DNAJC5B: variants seen among roughly 807,000 people sequenced by gnomAD.
DNAJC5B encodes DnaJ heat shock protein family (Hsp40) member C5 beta.
DNAJC5B carries 23 observed loss-of-function variants against 24.7 expected under a neutral mutation model. The ratio of observed to expected loss-of-function variants is 0.93; its 90% CI spans 0.67 to 1.32. DNAJC5B has a LOEUF of 1.32. DNAJC5B is among the 40% of genes most tolerant of loss of function. DNAJC5B has a pLI of 0.00. For synonymous variants in DNAJC5B, 101 were observed against 90.1 expected, an observed-to-expected ratio of 1.12 and a Z score of -0.68; for missense variants, 238 against 240.8, an observed-to-expected ratio of 0.99 and a Z score of 0.08.
Position 66,043,586 on chromosome 8 carries a change from C to T in DNAJC5B, c.-43C>T, listed in dbSNP as rs1198286554. 1 of 152,234 alleles carries T rather than the reference C, an allele frequency of 6.6e-6. No individual in the cohort carries two copies. The highest frequency in any genetic ancestry group is 1.5e-5 in the Non-Finnish European group (1 of 68,070). The allele number at this position is 152,234 out of a possible 1,614,324, so 9.4% of individuals were successfully genotyped here. On this transcript the variant is annotated 5_prime_UTR_variant, in exon 2 of 6. Transcript: ENST00000276570. ...GGGGGGGAAGGATGGAAAGGAGCAG[C>T]TGTTTGCTTTGAAACGGTGGAACAG...
intron 1 of DNAJC5B, among the ~76,000 whole-genome samples, chr8:66,031,517 G>A (rs1253319607): frequency 2.6e-5 from 4 of 152,188 alleles, no homozygotes; most frequent in Non-Finnish European, 1.5e-5. Context: ...CAGTAGGAGA[G>A]ATGGATATAT....
intron 2 of DNAJC5B, among the ~76,000 whole-genome samples, chr8:66,047,769 A>G (rs1193985365): frequency 6.6e-6 from 1 of 152,172 alleles, no homozygotes; most frequent in East Asian, 1.9e-4. Flanking sequence ...GCCCCTGAGG[A>G]GCTCAGAGTA....
At chr8:66,063,348 C>T (rs190487117) in intron 3 of DNAJC5B, among the ~76,000 whole-genome samples, 4 of 152,272 alleles carry the variant, frequency 2.6e-5, no homozygotes, top group Admixed American at 1.3e-4. Flanking sequence ...TTAGCAATTA[C>T]AGGTGAAAAC....
At position 66,080,335 on chromosome 8, in the gene DNAJC5B, A is replaced by G. The variant is rs754838580; in HGVS notation, c.334-42A>G. On this transcript the variant is annotated intron_variant, in intron 4 of 5. Coordinates refer to ENST00000276570, the MANE Select transcript of DNAJC5B (RefSeq NM_033105.6). ...ATTTCATGGGTTCTCCCCTCACCCC[A>G]TCACCCCTCATCCTCATTTTGCTTT... is the stretch of plus-strand genomic sequence containing the variant. 1.9e-6 allele frequency: 3 copies of G among 1,588,454 alleles called. No homozygotes were observed. The East Asian group carries it at 6.7e-5, about 35-fold the overall frequency.
Position 66,086,806 on chromosome 8 carries a change from G to A in DNAJC5B, c.505+6258G>A, listed in dbSNP as rs556431782. Among the ~76,000 whole-genome samples the A allele has an allele frequency of 2.0e-5, 3 of 152,220 alleles. No homozygotes were observed. The South Asian group carries it at 6.2e-4, about 32-fold the overall frequency. ...CAGGAAATTAATTTTTCATACATGA[G>A]CACTAATTTTAAGGAAATATGGTTA... is the stretch of plus-strand genomic sequence containing the variant. On this transcript the variant is annotated intron_variant, in intron 5 of 5. Coordinates refer to ENST00000276570, the MANE Select transcript of DNAJC5B (RefSeq NM_033105.6).
chr8:66,080,994 T>C (rs1236294139), intron 5 of DNAJC5B, among the ~76,000 whole-genome samples: 2 of 152,158 alleles, frequency 1.3e-5, no homozygotes, highest in Admixed American at 6.5e-5. Flanking sequence ...ACTTTGCTTC[T>C]TTTTAATGAC....
intron 5 of DNAJC5B, among the ~76,000 whole-genome samples, chr8:66,091,228 A>G (rs1472099528): frequency 6.6e-6 from 1 of 152,164 alleles, no homozygotes; most frequent in Non-Finnish European, 1.5e-5. Flanking sequence ...GGGAAGACAA[A>G]TATTAAGTAA....
intron 1 of DNAJC5B, 144 bp downstream of exon 1, chr8:66,021,849 C>G (rs1056424226): frequency 6.6e-6 from 1 of 152,164 alleles, no homozygotes; most frequent in Non-Finnish European, 1.5e-5. Context: ...GCCATGAAGC[C>G]GGACGGTGAG....
chr8:66,054,907 T>C (rs1228524522), intron 3 of DNAJC5B, among the ~76,000 whole-genome samples: 1 of 152,128 alleles, frequency 6.6e-6, no homozygotes, highest in African/African-American at 2.4e-5. Context: ...GGGAATGCCA[T>C]AATTGCATTG....
upstream of DNAJC5B, among the ~76,000 whole-genome samples, chr8:66,018,737 GTA>G (rs1554584316): frequency 3.3e-5 from 5 of 150,570 alleles, no homozygotes; most frequent in Non-Finnish European, 3.0e-5. Flanking sequence ...GTGGGAATCT[GTA>G]TATATATATA....
intron 5 of DNAJC5B, among the ~76,000 whole-genome samples, chr8:66,094,840 T>C (rs1386230562): frequency 6.6e-6 from 1 of 152,126 alleles, no homozygotes; most frequent in Non-Finnish European, 1.5e-5. Flanking sequence ...TTTTCAAATA[T>C]TTTTTCTTCA....
chr8:66,071,025 T>C (rs1201174310), intron 3 of DNAJC5B, among the ~76,000 whole-genome samples: 1 of 152,146 alleles, frequency 6.6e-6, no homozygotes. Flanking sequence ...CTGGACCCCT[T>C]CCTTACACCT....
chr8:66,098,263 C>T (rs189070005), intron 5 of DNAJC5B, among the ~76,000 whole-genome samples: 52 of 152,190 alleles, frequency 3.4e-4, no homozygotes, highest in Admixed American at 2.4e-3. Flanking sequence ...AGTGCAGTGG[C>T]GTGATCTTAG....
chr8:66,021,779 G>A (rs1324981799), intron 1 of DNAJC5B, 74 bp downstream of exon 1: 1 of 152,254 alleles, frequency 6.6e-6, no homozygotes, highest in Non-Finnish European at 1.5e-5. Flanking sequence ...TTAGGGTAAT[G>A]TAAGGTTCCA....
intron 3 of DNAJC5B, among the ~76,000 whole-genome samples, chr8:66,068,499 G>GA (rs1355897257): frequency 6.6e-6 from 1 of 151,274 alleles, no homozygotes; most frequent in Admixed American, 6.6e-5. Context: ...GATGGAAAAT[G>GA]AAAAAAGATT....
intron 1 of DNAJC5B, among the ~76,000 whole-genome samples, chr8:66,028,845 A>C (rs1806301713): frequency 1.3e-5 from 2 of 152,064 alleles, no homozygotes; most frequent in African/African-American, 4.8e-5. Context: ...GGCACTCCCC[A>C]GTTTCAAGTT....
At chr8:66,095,658 G>C (rs1807935028) in intron 5 of DNAJC5B, among the ~76,000 whole-genome samples, 1 of 146,638 alleles carries the variant, frequency 6.8e-6, no homozygotes, top group Admixed American at 6.8e-5. Context: ...ACTTTAGCTT[G>C]ACACACACAC....
chr8:66,078,205 C>T (rs1355493580), intron 4 of DNAJC5B, among the ~76,000 whole-genome samples: 1 of 152,298 alleles, frequency 6.6e-6, no homozygotes, highest in East Asian at 1.9e-4. Flanking sequence ...TTCACATGGA[C>T]AAGCAGAATC....
intron 5 of DNAJC5B, among the ~76,000 whole-genome samples, chr8:66,083,586 C>A (rs1807651824): frequency 6.6e-6 from 1 of 152,150 alleles, no homozygotes; most frequent in Non-Finnish European, 1.5e-5. Flanking sequence ...CCAACCAGTA[C>A]TCCCAGCATT....
Sources: gnomAD v4.1 joint callset for allele counts (sites outside exome capture counted in the v4.1 genomes callset) on GRCh38, gnomAD v4.1.1 for gene constraint, MANE v1.5 for transcripts, NCBI Gene and HGNC (gene_info 2026-07-23, HGNC 2026-07-21) for gene names.